Variants in GALNTL6 observed in about 807,000 individuals in gnomAD.
GALNTL6 encodes the protein polypeptide N-acetylgalactosaminyltransferase-like 6.
Under a neutral mutation model 73.7 loss-of-function variants are expected in GALNTL6, and 46 were observed. The observed-to-expected ratio is 0.62, with a 90% CI of 0.49 to 0.80. The LOEUF (loss-of-function observed/expected upper bound fraction) is 0.80. GALNTL6 is among the 30% of genes least tolerant of loss of function. GALNTL6 has a pLI of 0.00. For synonymous variants in GALNTL6, 259 were observed against 263.7 expected (o/e 0.98, Z 0.17); for missense variants, 604 against 755.0 (o/e 0.80, Z 2.34).
chr4:172,041,016 CTAAA>C (rs1742074364), intron 2 of GALNTL6, among the ~76,000 whole-genome samples: 1 of 152,078 alleles, frequency 6.6e-6, no homozygotes, highest in East Asian at 1.9e-4. Context: ...AAGAACTTAA[CTAAA>C]TAGTTCACAA....
At chr4:171,901,576 C>T (rs949952994) in intron 2 of GALNTL6, among the ~76,000 whole-genome samples, 2 of 152,152 alleles carry the variant, frequency 1.3e-5, no homozygotes, top group African/African-American at 4.8e-5. Flanking sequence ...CAGGACCAGA[C>T]CATGTTCATG....
intron 5 of GALNTL6, among the ~76,000 whole-genome samples, chr4:172,620,607 A>G (rs1255802024): frequency 1.3e-5 from 2 of 152,166 alleles, no homozygotes; most frequent in African/African-American, 4.8e-5. Context: ...ACAAAATTTA[A>G]TATTACTTTA....
At chr4:172,391,965 A>G (rs539887051) in intron 5 of GALNTL6, among the ~76,000 whole-genome samples, 4 of 152,268 alleles carry the variant, frequency 2.6e-5, no homozygotes, top group Non-Finnish European at 4.4e-5. Context: ...ATGCTAATCA[A>G]CTTTTTAACT....
Position 172,813,662 on chromosome 4 carries a change from T to C in GALNTL6, c.862T>C (p.Tyr288His), listed in dbSNP as rs908559454. 2 of 1,613,280 alleles carry C rather than the reference T, an allele frequency of 1.2e-6. No homozygotes were observed. Among genetic ancestry groups the C allele is most frequent in the African/African-American group, 2.7e-5 (2 of 74,894 alleles). Residue 288 changes from tyrosine to histidine, a missense_variant, in exon 7 of 13, where the codon TAC becomes CAC. Around this residue, in one of 5 missense-constraint regions of GALNTL6, gnomAD observed 179 missense variants for 230.8 expected, o/e 0.78. Coordinates refer to ENST00000506823, the MANE Select transcript of GALNTL6 (RefSeq NM_001034845.3). ...AMRGAFDWEMYYKRIPIPPEL... is the reference protein window; with the variant it reads ...AMRGAFDWEMHYKRIPIPPEL... Reference sequence around the variant, plus strand: ...GCGAGGAGCCTTCGACTGGGAAATGTACTACAAAAGAATCCCCATCCCTCC... The same window carrying C: ...GCGAGGAGCCTTCGACTGGGAAATGCACTACAAAAGAATCCCCATCCCTCC...
intron 5 of GALNTL6, among the ~76,000 whole-genome samples, chr4:172,662,664 G>C (rs1426653154): frequency 2.0e-5 from 3 of 152,268 alleles, no homozygotes; most frequent in South Asian, 2.1e-4. Context: ...TCATTCAATT[G>C]GTACCCAGTG....
intron 5 of GALNTL6, among the ~76,000 whole-genome samples, chr4:172,486,937 G>A (rs1301044571): frequency 6.6e-6 from 1 of 152,104 alleles, no homozygotes; most frequent in Non-Finnish European, 1.5e-5. Flanking sequence ...AATATGTTCA[G>A]ATACAAGTAT....
At chr4:172,668,174 GA>G (rs1436041780) in intron 5 of GALNTL6, 1 of 152,156 alleles carries the variant, frequency 6.6e-6, no homozygotes, top group African/African-American at 2.4e-5. Context: ...TATTGCCATT[GA>G]TGAGTTCCAC....
At chr4:172,213,531 T>C (rs1435767508) in intron 2 of GALNTL6, among the ~76,000 whole-genome samples, 1 of 152,226 alleles carries the variant, frequency 6.6e-6, no homozygotes, top group Non-Finnish European at 1.5e-5. Flanking sequence ...TTAAGGATCG[T>C]TGTATATGCT....
At chr4:171,847,841 C>T (rs982378436) in intron 2 of GALNTL6, among the ~76,000 whole-genome samples, 2 of 152,126 alleles carry the variant, frequency 1.3e-5, no homozygotes, top group African/African-American at 4.8e-5. Context: ...CACCTCCTCC[C>T]CTGAAGTCTT....
chr4:172,196,046 G>A (rs1579240817), intron 2 of GALNTL6, among the ~76,000 whole-genome samples: 1 of 134,930 alleles, frequency 7.4e-6, no homozygotes, highest in Non-Finnish European at 1.6e-5. Context: ...TAGACCACTA[G>A]CTAGACTAGT....
chr4:172,960,768 A>G (rs1427072589), intron 10 of GALNTL6, among the ~76,000 whole-genome samples: 3 of 152,210 alleles, frequency 2.0e-5, no homozygotes, highest in Non-Finnish European at 4.4e-5. Context: ...ATTGGGGTCA[A>G]GTGGCATTGT....
intron 5 of GALNTL6, among the ~76,000 whole-genome samples, chr4:172,776,619 A>G (rs1483733918): frequency 6.6e-6 from 1 of 152,224 alleles, no homozygotes; most frequent in Non-Finnish European, 1.5e-5. Context: ...GATACTTTTA[A>G]GATGTTGGAG....
intron 5 of GALNTL6, among the ~76,000 whole-genome samples, chr4:172,675,609 C>T (rs977340461): frequency 1.6e-4 from 24 of 152,170 alleles, no homozygotes; most frequent in African/African-American, 5.1e-4. Flanking sequence ...GCAATTAAAA[C>T]CTCATCATTT....
chr4:171,995,922 A>G (rs1394854), intron 2 of GALNTL6, among the ~76,000 whole-genome samples: 148,994 of 152,070 alleles, frequency 0.98, 73,062 homozygotes, highest in Middle Eastern at 1. Flanking sequence ...AACACTTAAC[A>G]ACCATTGTAC....
intron 4 of GALNTL6, among the ~76,000 whole-genome samples, chr4:172,337,042 G>A (rs1175258626): frequency 6.6e-6 from 1 of 151,662 alleles, no homozygotes; most frequent in Non-Finnish European, 1.5e-5. Flanking sequence ...TCCCTTTTTT[G>A]CTGTCATTGG....
intron 2 of GALNTL6, among the ~76,000 whole-genome samples, chr4:171,819,432 T>C (rs1423488806): frequency 6.6e-6 from 1 of 152,210 alleles, no homozygotes; most frequent in African/African-American, 2.4e-5. Flanking sequence ...TTTTCCCCTC[T>C]ATTCATTTCT....
intron 2 of GALNTL6, among the ~76,000 whole-genome samples, chr4:172,183,725 A>T (rs574452189): frequency 4.6e-4 from 70 of 151,980 alleles, no homozygotes; most frequent in African/African-American, 1.6e-3. Context: ...AAAATTTTCC[A>T]TGAGCCCCTT....
chr4:172,350,526 A>G (rs937603765), intron 5 of GALNTL6, among the ~76,000 whole-genome samples: 6 of 152,168 alleles, frequency 3.9e-5, no homozygotes, highest in Non-Finnish European at 7.4e-5. Context: ...ATTTAGGAAC[A>G]GTAATGGTGA....
At chr4:171,876,516 A>G (rs1312353947) in intron 2 of GALNTL6, among the ~76,000 whole-genome samples, 1 of 152,218 alleles carries the variant, frequency 6.6e-6, no homozygotes, top group Admixed American at 6.6e-5. Flanking sequence ...GAGTTGAAGT[A>G]ACGTGTTAGC....
Sources: gnomAD v4.1 joint callset for allele counts (sites outside exome capture counted in the v4.1 genomes callset) on GRCh38, gnomAD v4.1.1 for gene constraint, gnomAD v4.1.1 regional missense constraint, MANE v1.5 for transcripts, NCBI Gene and HGNC (gene_info 2026-07-23, HGNC 2026-07-21) for gene names.